Variants in SESN3 observed in about 807,000 individuals in gnomAD.
SESN3 encodes the protein sestrin 3.
Under a neutral mutation model 55.3 loss-of-function variants are expected in SESN3, and 21 were observed. That is an observed-to-expected ratio of 0.38 (90% CI 0.27 to 0.55). SESN3 has a LOEUF of 0.55. Ranked by LOEUF, SESN3 falls within the 20% of genes least tolerant of loss-of-function variation. The pLI is 0.76. For synonymous variants in SESN3, 181 were observed against 203.1 expected (o/e 0.89, Z 0.93); for missense variants, 408 against 604.3 (o/e 0.68, Z 3.41).
intron 1 of SESN3, chr11:95,204,960 C>T (rs911905240): frequency 1.1e-4 from 17 of 152,100 alleles, no homozygotes; most frequent in Admixed American, 2.6e-4. Flanking sequence ...GGAGCTATAA[C>T]GGGAGTAACC....
intron 1 of SESN3, among the ~76,000 whole-genome samples, chr11:95,229,349 A>T (rs1565478669): frequency 6.6e-6 from 1 of 152,210 alleles, no homozygotes; most frequent in Non-Finnish European, 1.5e-5. Flanking sequence ...CTGTAATTTG[A>T]TCCTAGAGTT....
intron 1 of SESN3, among the ~76,000 whole-genome samples, chr11:95,202,968 A>T (rs1368502609): frequency 6.6e-6 from 1 of 152,150 alleles, no homozygotes; most frequent in Non-Finnish European, 1.5e-5. Context: ...AAGTTTTAGA[A>T]AGTAAAATTC....
At chr11:95,189,676 A>G in intron 4 of SESN3, 103 bp downstream of exon 4, 1 of 692,884 alleles carries the variant, frequency 1.4e-6, no homozygotes, top group Non-Finnish European at 2.2e-6. Context: ...TCTTTTCTAC[A>G]CATACTAAGA....
rs150274899 is a variant in SESN3, at chr11:95,178,197, G to A, written c.1057-288C>T. On this transcript the variant is annotated intron_variant, in intron 7 of 9. Coordinates refer to ENST00000536441, the MANE Select transcript of SESN3 (RefSeq NM_144665.4). ...CCTTTTATCTGGAAGGGCCCCAGGA[G>A]ATCTTGGAATATTCCCATGTGAACA... 5.8e-3 allele frequency among the ~76,000 whole-genome samples: 884 copies of A among 152,278 alleles called. 10 individuals carry two copies. Among genetic ancestry groups the A allele is most frequent in the African/African-American group, 0.02 (847 of 41,546 alleles).
chr11:95,171,018 G>A lies in SESN3; in HGVS notation c.*2237C>T, dbSNP rs1267742901. The A allele has an allele frequency of 6.6e-6, 1 of 152,074 alleles. No individual in the cohort carries two copies. The highest frequency in any genetic ancestry group is 1.5e-5 in the Non-Finnish European group (1 of 68,002). 9.4% of individuals were successfully genotyped at this position (152,074 alleles called of 1,614,324 possible). A position where few individuals can be genotyped will look rare whatever the true frequency, so the allele number is the denominator to read the frequency against. On this transcript the variant is annotated 3_prime_UTR_variant, in exon 10 of 10. Coordinates refer to ENST00000536441, the MANE Select transcript of SESN3 (RefSeq NM_144665.4). ...TCCCCTTTTGGTCTAAAGCTCATAT[G>A]GTGTTCTGTGAGAATTTCTCCTCCT...
Position 95,170,649 on chromosome 11 carries a change from G to A in SESN3, c.*2606C>T, listed in dbSNP as rs1040452444. ...CGCATCAGAATTTCAAGTTTGCATT[G>A]GATAAAGAGAGTTAACAGCAAACTC... On this transcript the variant is annotated 3_prime_UTR_variant, in exon 10 of 10. Transcript: ENST00000536441. The A allele has an allele frequency of 6.6e-5, 10 of 152,108 alleles. No homozygotes were observed. The highest frequency in any genetic ancestry group is 2.4e-4 in the African/African-American group (10 of 41,432). 9.4% of individuals were successfully genotyped at this position (152,108 alleles called of 1,614,324 possible). A position where few individuals can be genotyped will look rare whatever the true frequency, so the allele number is the denominator to read the frequency against.
At chr11:95,182,016 T>G in intron 6 of SESN3, 1 of 213,240 alleles carries the variant, frequency 4.7e-6, no homozygotes, top group South Asian at 6.3e-5. Flanking sequence ...TGACATTATT[T>G]CCTTGAAATA....
chr11:95,186,631 A>G (rs1357818655), intron 4 of SESN3, among the ~76,000 whole-genome samples: 2 of 151,956 alleles, frequency 1.3e-5, no homozygotes, highest in Non-Finnish European at 2.9e-5. Flanking sequence ...ACACAAAGAA[A>G]TAATAAATGT....
In SESN3 at chr11:95,192,923, T is replaced by C. The variant is rs1277576968; in HGVS notation, c.144+534A>G. Reference sequence around the variant, plus strand: ...GTTTGTTCTAACTGGATGCTTAAGATACATTAATAGATTCATATGATGCAA... The same window carrying C: ...GTTTGTTCTAACTGGATGCTTAAGACACATTAATAGATTCATATGATGCAA... On this transcript the variant is annotated intron_variant, in intron 2 of 9. Coordinates refer to ENST00000536441, the MANE Select transcript of SESN3 (RefSeq NM_144665.4). Among the ~76,000 whole-genome samples, 3 of 151,002 alleles carry C rather than the reference T, an allele frequency of 2.0e-5. No homozygotes were observed. In the Admixed American group the frequency reaches 2.0e-4, roughly 10 times the overall value.
At position 95,178,806 on chromosome 11, in the gene SESN3, T is replaced by C; in HGVS notation, c.960A>G (p.Ile320Met). 3.1e-6 allele frequency: 5 copies of C among 1,603,542 alleles called. No homozygotes were observed. Among genetic ancestry groups the C allele is most frequent in the Non-Finnish European group, 4.3e-6 (5 of 1,170,574 alleles). ...CAATATATCGAGAGACATCAGATGT[T>C]ATAATCATGTCATCCTCAAAATCTA... ...PHSDFEDDMI[I>M]TSDVSRYIED... Residue 320 changes from isoleucine (I) to methionine (M), a missense_variant, in exon 7 of 10, where the codon ATA (isoleucine) becomes ATG (methionine). Transcript: ENST00000536441.
At position 95,192,148 on chromosome 11, in the gene SESN3, A is replaced by C. The variant is rs889640659; in HGVS notation, c.145-547T>G. On this transcript the variant is annotated intron_variant, in intron 2 of 9. Transcript: ENST00000536441. ...AGTGTTAATTGAAAAATTAATGAGGACACCAGAATACTGTCATTCCTATTT... is the reference window on the plus strand; with the variant it reads ...AGTGTTAATTGAAAAATTAATGAGGCCACCAGAATACTGTCATTCCTATTT... Among the ~76,000 whole-genome samples the C allele has an allele frequency of 2.6e-5, 4 of 152,244 alleles. No individual in the cohort carries two copies. The South Asian group carries it at 8.3e-4, about 32-fold the overall frequency.
At chr11:95,197,693 G>A (rs1235688619) in intron 1 of SESN3, among the ~76,000 whole-genome samples, 2 of 151,958 alleles carry the variant, frequency 1.3e-5, no homozygotes, top group Admixed American at 1.3e-4. Context: ...TCAAGTCAAT[G>A]TTCTCTTCTA....
chr11:95,194,235 CAG>C (rs1860319885), intron 1 of SESN3, among the ~76,000 whole-genome samples: 1 of 151,986 alleles, frequency 6.6e-6, no homozygotes, highest in South Asian at 2.1e-4. Context: ...AAATTCGAAT[CAG>C]AGAATAGGGT....
chr11:95,230,714 G>C lies in SESN3; in HGVS notation c.78+69C>G, dbSNP rs1341645883. 8.1e-7 allele frequency: 1 copy of C among 1,239,956 alleles called. No individual in the cohort carries two copies. The highest frequency in any genetic ancestry group is 1.5e-5 in the African/African-American group (1 of 66,320). 76.8% of individuals were successfully genotyped at this position (1,239,956 alleles called of 1,614,324 possible). A position where few individuals can be genotyped will look rare whatever the true frequency, so the allele number is the denominator to read the frequency against. On this transcript the variant is annotated intron_variant, in intron 1 of 9. Transcript: ENST00000536441. The surrounding 1 kb of genome is among the most constrained non-coding windows in gnomAD (Gnocchi z 4.6). ...CAGCCTCCCCCAGTGCGCGCCCGGG[G>C]ACGAGCCGCCCGAGCCCCGGCCGGC...
chr11:95,215,784 C>A (rs1426923296), intron 1 of SESN3, among the ~76,000 whole-genome samples: 3 of 152,188 alleles, frequency 2.0e-5, no homozygotes, highest in Non-Finnish European at 4.4e-5. Flanking sequence ...TCTAGCTTTT[C>A]CACTGATTTA....
Position 95,191,601 on chromosome 11 carries a change from C to T in SESN3, c.145G>A (p.Val49Ile). ...GPSAFIPEKEVVQANTVDERT... is the reference protein window; with the variant it reads ...GPSAFIPEKEIVQANTVDERT... ...TCATCCACTGTGTTTGCTTGGACAACCTTATAACCAAAAAAAACAAAACAA... is the reference window on the plus strand; with the variant it reads ...TCATCCACTGTGTTTGCTTGGACAATCTTATAACCAAAAAAAACAAAACAA... Residue 49 changes from valine (V) to isoleucine (I), a missense_variant and splice_region_variant, in exon 3 of 10, where the codon GTT becomes ATT. Coordinates refer to ENST00000536441, the MANE Select transcript of SESN3 (RefSeq NM_144665.4). The T allele has an allele frequency of 1.2e-6, 2 of 1,610,070 alleles. No homozygotes were observed. The highest frequency in any genetic ancestry group is 1.7e-6 in the Non-Finnish European group (2 of 1,178,066).
rs1859784279 is a variant in SESN3, at chr11:95,168,120, C to T, written c.*5135G>A. 1 of 152,152 alleles carries T rather than the reference C, an allele frequency of 6.6e-6. No homozygotes were observed. The highest frequency in any genetic ancestry group is 6.5e-5 in the Admixed American group (1 of 15,274). The allele number at this position is 152,152 out of a possible 1,614,324, so 9.4% of individuals were successfully genotyped here. On this transcript the variant is annotated 3_prime_UTR_variant, in exon 10 of 10. Coordinates refer to ENST00000536441, the MANE Select transcript of SESN3 (RefSeq NM_144665.4). ...GATCCCATAGGACCATCTAAATACC[C>T]TTTGCCATATGTCATTCTATTAGAA...
intron 1 of SESN3, among the ~76,000 whole-genome samples, chr11:95,211,678 G>A (rs1332919670): frequency 1.3e-5 from 2 of 152,148 alleles, no homozygotes; most frequent in Admixed American, 1.3e-4. Context: ...GCTGAGGCAG[G>A]AGAATCACTT....
At chr11:95,216,829 C>T (rs955220220) in intron 1 of SESN3, among the ~76,000 whole-genome samples, 3 of 151,602 alleles carry the variant, frequency 2.0e-5, no homozygotes, top group Non-Finnish European at 1.5e-5. Flanking sequence ...AAATACTGGC[C>T]AGGCATAGTG....
Sources: gnomAD v4.1 joint callset for allele counts (sites outside exome capture counted in the v4.1 genomes callset) on GRCh38, gnomAD v4.1.1 for gene constraint, Gnocchi (gnomAD v3.1) non-coding constraint, MANE v1.5 for transcripts, NCBI Gene and HGNC (gene_info 2026-07-23, HGNC 2026-07-21) for gene names.